Variants in PRKD1 observed in about 807,000 individuals in gnomAD.
The protein encoded by PRKD1 is protein kinase D1.
PRKD1 carries 63 observed loss-of-function variants against 95.9 expected under a neutral mutation model. The ratio of observed to expected loss-of-function variants is 0.66; its 90% CI spans 0.54 to 0.81. PRKD1 has a LOEUF of 0.81. Ranked by LOEUF, PRKD1 falls within the 30% of genes least tolerant of loss-of-function variation. The probability of loss-of-function intolerance (pLI) is 0.00; values close to 1 mark genes in which losing one functional copy is unlikely to be tolerated. For synonymous variants in PRKD1, 425 were observed against 423.1 expected, an observed-to-expected ratio of 1.00 and a Z score of -0.05; for missense variants, 1,048 against 1,165.3, an observed-to-expected ratio of 0.90 and a Z score of 1.47.
chr14:29,772,446 A>G (rs1457222435), intron 1 of PRKD1, among the ~76,000 whole-genome samples: 1 of 152,188 alleles, frequency 6.6e-6, no homozygotes, highest in Non-Finnish European at 1.5e-5. Flanking sequence ...CTTGTGAGCA[A>G]TACATTTCTG....
chr14:29,602,115 C>T (rs875677), intron 13 of PRKD1, among the ~76,000 whole-genome samples: 22,039 of 151,936 alleles, frequency 0.15, 1,671 homozygotes, highest in Non-Finnish European at 0.16. Flanking sequence ...CTTTGCAGTA[C>T]GGGTGGGAAG....
chr14:29,682,797 G>A (rs1179861046), intron 2 of PRKD1, among the ~76,000 whole-genome samples: 3 of 152,168 alleles, frequency 2.0e-5, no homozygotes, highest in Non-Finnish European at 1.5e-5. Flanking sequence ...GTCTTGAAGG[G>A]TAAATGTGGT....
intron 13 of PRKD1, among the ~76,000 whole-genome samples, chr14:29,608,375 C>G (rs1878170786): frequency 6.6e-6 from 1 of 152,070 alleles, no homozygotes; most frequent in Admixed American, 6.6e-5. Flanking sequence ...GCCCAACTTA[C>G]ATATTACCAT....
At chr14:29,710,781 A>G (rs1350934172) in intron 2 of PRKD1, among the ~76,000 whole-genome samples, 1 of 151,858 alleles carries the variant, frequency 6.6e-6, no homozygotes, top group Non-Finnish European at 1.5e-5. Context: ...CAAACTGTGT[A>G]TATTTTGCTA....
At chr14:29,844,771 C>T (rs1019037845) in intron 1 of PRKD1, among the ~76,000 whole-genome samples, 9 of 152,152 alleles carry the variant, frequency 5.9e-5, no homozygotes, top group African/African-American at 2.2e-4. Context: ...TGAAGGTTGG[C>T]AGAAGCTTAT....
At chr14:29,590,443 A>G (rs984543284) in intron 16 of PRKD1, among the ~76,000 whole-genome samples, 10 of 152,184 alleles carry the variant, frequency 6.6e-5, no homozygotes, top group Non-Finnish European at 1.5e-4. Context: ...ACACATAAAC[A>G]CACATAACAC....
At chr14:29,695,848 C>T (rs537435656) in intron 2 of PRKD1, among the ~76,000 whole-genome samples, 2 of 151,724 alleles carry the variant, frequency 1.3e-5, no homozygotes, top group East Asian at 1.9e-4. Flanking sequence ...GGAGAAAGAA[C>T]GAGAGAAAAT....
At chr14:29,761,036 G>T (rs1887954743) in intron 1 of PRKD1, among the ~76,000 whole-genome samples, 1 of 152,004 alleles carries the variant, frequency 6.6e-6, no homozygotes, top group South Asian at 2.1e-4. Context: ...TCAAACTCCT[G>T]CTGAAGCCAT....
At chr14:29,773,061 C>G (rs1216126644) in intron 1 of PRKD1, among the ~76,000 whole-genome samples, 1 of 152,152 alleles carries the variant, frequency 6.6e-6, no homozygotes, top group East Asian at 1.9e-4. Context: ...AATGTTTGCA[C>G]TGTTGAAAAT....
At chr14:29,795,071 T>C (rs1474360410) in intron 1 of PRKD1, among the ~76,000 whole-genome samples, 2 of 152,132 alleles carry the variant, frequency 1.3e-5, no homozygotes, top group South Asian at 4.1e-4. Context: ...TATACCAGCA[T>C]TTGTTTTCAT....
chr14:29,694,095 A>G (rs572606002), intron 2 of PRKD1, among the ~76,000 whole-genome samples: 56 of 152,274 alleles, frequency 3.7e-4, no homozygotes, highest in African/African-American at 1.3e-3. Flanking sequence ...AGATCCTCCA[A>G]TAGTTCTTCC....
At chr14:29,804,556 C>T (rs965461801) in intron 1 of PRKD1, among the ~76,000 whole-genome samples, 2 of 150,552 alleles carry the variant, frequency 1.3e-5, no homozygotes, top group Admixed American at 6.7e-5. Flanking sequence ...AAATATGCCT[C>T]CTTGTGCTAC....
rs1891203515 is a variant in PRKD1 at position 29,826,840 on chromosome 14, C to CACATATATAT, written c.264+100408_264+100409insATATATATGT. 5.8e-4 allele frequency among the ~76,000 whole-genome samples: 9 copies of CACATATATAT among 15,450 alleles called. 3 individuals are homozygous for CACATATATAT. Among genetic ancestry groups the CACATATATAT allele is most frequent in the African/African-American group, 2.4e-3 (9 of 3,754 alleles). The allele number at this position is 15,450 out of a possible 152,430, so 10.1% of individuals were successfully genotyped here. A position where few individuals can be genotyped will look rare whatever the true frequency, so the allele number is the denominator to read the frequency against. ...ACATATATATATATATATATATATACACACATATATATATATATATATATA... is the reference window on the plus strand; with the variant it reads ...ACATATATATATATATATATATATACACATATATATACACATATATATATATATATATATA... On this transcript the variant is annotated intron_variant, in intron 1 of 17. Transcript: ENST00000331968.
intron 1 of PRKD1, among the ~76,000 whole-genome samples, chr14:29,856,266 T>C (rs1892497365): frequency 6.6e-6 from 1 of 152,116 alleles, no homozygotes; most frequent in South Asian, 2.1e-4. Context: ...GACAAGCAGA[T>C]CATTCTATAT....
At chr14:29,867,871 T>C (rs993306143) in intron 1 of PRKD1, among the ~76,000 whole-genome samples, 1 of 152,184 alleles carries the variant, frequency 6.6e-6, no homozygotes, top group Non-Finnish European at 1.5e-5. Flanking sequence ...TTAGAATACT[T>C]AGTCTGTGTT....
chr14:29,876,716 C>CAAAAAAAAAAA (rs201219057), intron 1 of PRKD1, among the ~76,000 whole-genome samples: 1 of 140,634 alleles, frequency 7.1e-6, no homozygotes, highest in African/African-American at 2.9e-5. Flanking sequence ...CAAAAACAAA[C>CAAAAAAAAAAA]AAACAAAAAA....
At chr14:29,619,644 G>A (rs1458371812) in intron 13 of PRKD1, among the ~76,000 whole-genome samples, 1 of 152,128 alleles carries the variant, frequency 6.6e-6, no homozygotes, top group Non-Finnish European at 1.5e-5. Flanking sequence ...ACAGATCAGG[G>A]TAAGAGAAGT....
intron 13 of PRKD1, 67 bp downstream of exon 13, chr14:29,624,085 T>A: frequency 8.8e-7 from 1 of 1,131,574 alleles, no homozygotes; most frequent in Non-Finnish European, 1.3e-6. Flanking sequence ...GAAAATTTAT[T>A]TGCTTTGCAG....
At chr14:29,621,262 C>T (rs1594368927) in intron 13 of PRKD1, among the ~76,000 whole-genome samples, 1 of 151,648 alleles carries the variant, frequency 6.6e-6, no homozygotes, top group East Asian at 2.0e-4. Context: ...TTAATGGGTG[C>T]AGCACACCAG....
Sources: gnomAD v4.1 joint callset for allele counts (sites outside exome capture counted in the v4.1 genomes callset) on GRCh38, gnomAD v4.1.1 for gene constraint, MANE v1.5 for transcripts, NCBI Gene and HGNC (gene_info 2026-07-23, HGNC 2026-07-21) for gene names.